The following MKX variants were observed in gnomAD, a reference collection of about 807,000 sequenced individuals.
MKX encodes the protein homeobox protein Mohawk.
A neutral mutation model predicts 36.0 loss-of-function variants in MKX; 13 were observed. The observed-to-expected ratio is 0.36, with a 90% CI of 0.24 to 0.57. MKX has a LOEUF of 0.57. Among genes scored for constraint, MKX ranks in the 20% least tolerant of loss-of-function variants. MKX has a pLI of 0.79. For synonymous variants in MKX, 176 were observed against 178.3 expected (o/e 0.99, Z 0.10); for missense variants, 458 against 456.4 (o/e 1.00, Z -0.03).
At chr10:27,678,234 A>C (rs1400667028) in intron 5 of MKX, among the ~76,000 whole-genome samples, 1 of 152,206 alleles carries the variant, frequency 6.6e-6, no homozygotes, top group African/African-American at 2.4e-5. Context: ...CAGAACAGAG[A>C]ACAAGTCAAG....
chr10:27,684,414 T>G (rs1564344348), intron 5 of MKX, among the ~76,000 whole-genome samples: 1 of 152,124 alleles, frequency 6.6e-6, no homozygotes, highest in Non-Finnish European at 1.5e-5. Flanking sequence ...ACAGCTTCCC[T>G]GCAGAAAATC....
intron 5 of MKX, among the ~76,000 whole-genome samples, chr10:27,722,279 T>G (rs1272130951): frequency 1.3e-5 from 2 of 152,208 alleles, no homozygotes; most frequent in Non-Finnish European, 2.9e-5. Context: ...GGAGGTTTAC[T>G]GGTGCCATGC....
In MKX at chr10:27,741,739, T is replaced by A. The variant is rs1029349729; in HGVS notation, c.189-235A>T. The stretch of plus-strand genomic sequence containing the variant: ...GAATAGGGGGATACCTTGAACCCAA[T>A]ACCCCAAGGTTAGAGGTTTAGAAGA... On this transcript the variant is annotated intron_variant, in intron 2 of 6. Coordinates refer to ENST00000419761, the MANE Select transcript of MKX (RefSeq NM_173576.3). This position sits in a 1 kb window ranked among gnomAD's most constrained non-coding sequence, Gnocchi z 5.1. 4.6e-5 allele frequency among the ~76,000 whole-genome samples: 7 copies of A among 152,216 alleles called. No homozygotes were observed. The highest frequency in any genetic ancestry group is 1.7e-4 in the African/African-American group (7 of 41,470).
At chr10:27,710,508 G>A (rs925641466) in intron 5 of MKX, among the ~76,000 whole-genome samples, 1 of 152,088 alleles carries the variant, frequency 6.6e-6, no homozygotes, top group Non-Finnish European at 1.5e-5. Context: ...GGCCCAGAAG[G>A]GACTCCTCCT....
chr10:27,705,281 C>T (rs1232106869), intron 5 of MKX, among the ~76,000 whole-genome samples: 1 of 152,064 alleles, frequency 6.6e-6, no homozygotes, highest in African/African-American at 2.4e-5. Flanking sequence ...TCTCCATGTG[C>T]TATTATGGAA....
At chr10:27,693,661 A>C (rs1335052610) in intron 5 of MKX, among the ~76,000 whole-genome samples, 2 of 152,234 alleles carry the variant, frequency 1.3e-5, no homozygotes, top group Non-Finnish European at 2.9e-5. Context: ...TAAGTAAATA[A>C]GACACCTATA....
At position 27,741,588 on chromosome 10, in the gene MKX, C is replaced by A. The variant is rs1419937447; in HGVS notation, c.189-84G>T. The A allele has an allele frequency of 1.4e-6, 2 of 1,451,384 alleles. No homozygotes were observed. The highest frequency in any genetic ancestry group is 1.8e-6 in the Non-Finnish European group (2 of 1,100,578). 89.9% of individuals were successfully genotyped at this position (1,451,384 alleles called of 1,614,324 possible). On this transcript the variant is annotated intron_variant, in intron 2 of 6. Coordinates refer to ENST00000419761, the MANE Select transcript of MKX (RefSeq NM_173576.3). This position sits in a 1 kb window ranked among gnomAD's most constrained non-coding sequence, Gnocchi z 5.1. ...TCCACGCCCCGGCCAAGCCCGGGCC[C>A]CGCATCCAAACTGCGCATTCCTGCC...
intron 3 of MKX, 32 bp from the exon 4 acceptor site, chr10:27,735,406 C>G: frequency 6.3e-7 from 1 of 1,582,292 alleles, no homozygotes; most frequent in Non-Finnish European, 8.6e-7. Flanking sequence ...ATTAACAAAA[C>G]TTAAAAACAT....
At chr10:27,687,246 C>T (rs61845303) in intron 5 of MKX, among the ~76,000 whole-genome samples, 4,000 of 152,250 alleles carry the variant, frequency 0.026, 71 homozygotes, top group Non-Finnish European at 0.043. Context: ...CCTCGTGATC[C>T]ACCCGCCTCG....
chr10:27,691,739 G>A (rs1836457688), intron 5 of MKX, among the ~76,000 whole-genome samples: 1 of 152,064 alleles, frequency 6.6e-6, no homozygotes, highest in African/African-American at 2.4e-5. Context: ...AGTGCTTATG[G>A]TTTCCTTCTT....
intron 5 of MKX, among the ~76,000 whole-genome samples, chr10:27,695,543 A>T (rs1043292298): frequency 6.6e-6 from 1 of 152,160 alleles, no homozygotes; most frequent in Admixed American, 6.5e-5. Context: ...TACAAGATAG[A>T]TGGTTTGTTA....
At chr10:27,739,275 T>C (rs921854966) in intron 3 of MKX, among the ~76,000 whole-genome samples, 3 of 152,098 alleles carry the variant, frequency 2.0e-5, no homozygotes, top group African/African-American at 7.2e-5. Context: ...AGCCATAAGA[T>C]CCGTTGGTAA....
At chr10:27,729,760 C>T (rs1834583190) in intron 5 of MKX, among the ~76,000 whole-genome samples, 3 of 152,168 alleles carry the variant, frequency 2.0e-5, no homozygotes, top group Non-Finnish European at 2.9e-5. Context: ...CCTCTTTCCT[C>T]CTTCAGTAGA....
At chr10:27,727,802 A>G (rs1468417507) in intron 5 of MKX, among the ~76,000 whole-genome samples, 2 of 152,258 alleles carry the variant, frequency 1.3e-5, no homozygotes, top group African/African-American at 4.8e-5. Context: ...GAAAGGGTGG[A>G]ACAGTATATA....
Position 27,675,528 on chromosome 10 carries a change from C to A in MKX, c.865G>T (p.Gly289Cys), listed in dbSNP as rs775950548. 5 of 1,613,912 alleles carry A rather than the reference C, an allele frequency of 3.1e-6. No homozygotes were observed. The highest frequency in any genetic ancestry group is 4.2e-6 in the Non-Finnish European group (5 of 1,179,990). ...TDTLENGSNK[G>C]ESAANRKGPS... is the part of the protein sequence containing the mutation. ...TGGGAACATTTTGCTCACCTTTCAC[C>A]CTTATTGGATCCGTTTTCCAGAGTG... Residue 289 changes from glycine to cysteine, a missense_variant, in exon 6 of 7, where the codon GGT becomes TGT. By Grantham distance (159) the Gly-to-Cys change is radical. Around this residue, in one of 3 missense-constraint regions of MKX, gnomAD observed 297 missense variants for 304.4 expected, o/e 0.98. Transcript: ENST00000419761.
At position 27,735,310 on chromosome 10, in the gene MKX, C is replaced by T; in HGVS notation, c.413G>A (p.Ser138Asn). The T allele has an allele frequency of 1.2e-6, 2 of 1,613,926 alleles. No homozygotes were observed. Among genetic ancestry groups the T allele is most frequent in the Non-Finnish European group, 1.7e-6 (2 of 1,179,938 alleles). Residue 138 changes from serine to asparagine, a missense_variant, in exon 4 of 7, where the codon AGC (serine) becomes AAC (asparagine). Physicochemically the swap from Ser to Asn is conservative, Grantham distance 46. Coordinates refer to ENST00000419761, the MANE Select transcript of MKX (RefSeq NM_173576.3). ...LKNTVRQPDL[S>N]WALRIKLYNK... Reference sequence around the variant, plus strand: ...GTATAACTTTATTCTCAAAGCCCAGCTTAAATCTGGCTGTCGAACGGTATT... The same window carrying T: ...GTATAACTTTATTCTCAAAGCCCAGTTTAAATCTGGCTGTCGAACGGTATT...
At chr10:27,731,919 A>T (rs188333764) in intron 5 of MKX, among the ~76,000 whole-genome samples, 106 of 152,338 alleles carry the variant, frequency 7.0e-4, no homozygotes, top group African/African-American at 2.4e-3. Context: ...AATGTTAAAA[A>T]TTTTATAAGA....
chr10:27,698,560 C>G (rs1012273853), intron 5 of MKX, among the ~76,000 whole-genome samples: 5 of 152,038 alleles, frequency 3.3e-5, no homozygotes, highest in African/African-American at 7.2e-5. Flanking sequence ...CCTTGGGTGA[C>G]TGGGTGGTCG....
chr10:27,679,467 C>G (rs891277640), intron 5 of MKX, among the ~76,000 whole-genome samples: 2 of 152,276 alleles, frequency 1.3e-5, no homozygotes, highest in Admixed American at 1.3e-4. Context: ...TAGAAGGGCA[C>G]GCTTTTCCTG....
Sources: gnomAD v4.1 joint callset for allele counts (sites outside exome capture counted in the v4.1 genomes callset) on GRCh38, gnomAD v4.1.1 for gene constraint, gnomAD v4.1.1 regional missense constraint, Gnocchi (gnomAD v3.1) non-coding constraint, MANE v1.5 for transcripts, NCBI Gene and HGNC (gene_info 2026-07-23, HGNC 2026-07-21) for gene names.